Variants in CDH23 observed in about 807,000 individuals in gnomAD.
CDH23 encodes the protein cadherin related 23.
A neutral mutation model predicts 317.1 loss-of-function variants in CDH23; 189 were observed. The ratio of observed to expected loss-of-function variants is 0.60; its 90% CI spans 0.53 to 0.67. The LOEUF (loss-of-function observed/expected upper bound fraction) is 0.67. Among genes scored for constraint, CDH23 ranks in the 30% least tolerant of loss-of-function variants. CDH23 has a pLI of 0.00. For missense variants in CDH23, 4,401 were observed against 4,592.4 expected, an observed-to-expected ratio of 0.96 and a Z score of 1.20; for synonymous variants, 1,839 against 1,876.8, an observed-to-expected ratio of 0.98 and a Z score of 0.52.
chr10:71,745,748 G>T (rs750974892), intron 38 of CDH23, among the ~76,000 whole-genome samples: 1 of 152,224 alleles, frequency 6.6e-6, no homozygotes, highest in Admixed American at 6.5e-5. Flanking sequence ...CACTGGATGC[G>T]TGTATGAGGA....
At chr10:71,474,183 T>C (rs1851665684) in intron 3 of CDH23, among the ~76,000 whole-genome samples, 1 of 152,172 alleles carries the variant, frequency 6.6e-6, no homozygotes, top group Non-Finnish European at 1.5e-5. Context: ...GGCCAGCTTG[T>C]TCTGCAGAGG....
At chr10:71,567,724 T>C (rs1857491379) in intron 7 of CDH23, among the ~76,000 whole-genome samples, 1 of 152,166 alleles carries the variant, frequency 6.6e-6, no homozygotes, top group Non-Finnish European at 1.5e-5. Context: ...CAAGCCACAC[T>C]CTAAATAGGG....
At chr10:71,760,931 G>A (rs909735601) in intron 38 of CDH23, 4 of 1,613,734 alleles carry the variant, frequency 2.5e-6, no homozygotes, top group African/African-American at 2.7e-5. Flanking sequence ...TTGCCTGTGG[G>A]AACAAACAGA....
intron 1 of CDH23, among the ~76,000 whole-genome samples, chr10:71,425,948 G>T (rs1163008645): frequency 1.3e-5 from 2 of 152,220 alleles, no homozygotes; most frequent in African/African-American, 4.8e-5. Context: ...GTTTTGGGGT[G>T]CAAGGGATGA....
In CDH23 at chr10:71,510,256, T is replaced by C. The variant is rs1315718759; in HGVS notation, c.288+32T>C. ...CTTGCCCATACCCCTGCCCCAATTC[T>C]CTCCTGGGGACAGGAGGAGACACTG... On this transcript the variant is annotated intron_variant, in intron 4 of 69. Transcript: ENST00000224721. 3 of 1,606,188 alleles carry C rather than the reference T, an allele frequency of 1.9e-6. No homozygotes were observed. In the South Asian group the frequency reaches 3.3e-5, roughly 18 times the overall value.
chr10:71,707,188 G>A (rs1415007018), intron 26 of CDH23, 139 bp downstream of exon 26: 1 of 1,522,210 alleles, frequency 6.6e-7, no homozygotes, highest in Non-Finnish European at 8.8e-7. Flanking sequence ...TTTAGCCTCT[G>A]GTGGTGCCTC....
chr10:71,815,074 C>A lies in CDH23; in HGVS notation c.9861C>A (p.Gly3287=). 2 of 1,611,704 alleles carry A rather than the reference C, an allele frequency of 1.2e-6. No individual in the cohort carries two copies. Among genetic ancestry groups the A allele is most frequent in the Non-Finnish European group, 1.7e-6 (2 of 1,179,326 alleles). The change falls in exon 70 of 70, where the codon GGC becomes GGA. Residue 3287 remains glycine, a synonymous_variant. Transcript: ENST00000224721. ...CCGATGGGATCCATGTGGTGCACGG[C>A]AGCACGGGCACGCTGCTGGCCACCG... The part of the protein sequence containing the change: ...KGPDGIHVVH[G]STGTLLATDL...
chr10:71,804,775 AT>A (rs536518879), intron 55 of CDH23, among the ~76,000 whole-genome samples: 45 of 151,998 alleles, frequency 3.0e-4, no homozygotes, highest in Non-Finnish European at 5.3e-4. Flanking sequence ...TTCCTGACCA[AT>A]TTTTTTCTTT....
At chr10:71,788,515 G>A (rs905670946) in intron 44 of CDH23, among the ~76,000 whole-genome samples, 4 of 151,778 alleles carry the variant, frequency 2.6e-5, no homozygotes, top group African/African-American at 4.8e-5. Flanking sequence ...GAGTGCAGTG[G>A]CGTGATATCC....
intron 3 of CDH23, among the ~76,000 whole-genome samples, chr10:71,478,911 C>T (rs1851927646): frequency 6.6e-6 from 1 of 152,196 alleles, no homozygotes; most frequent in Admixed American, 6.5e-5. Context: ...AATGGAAAGC[C>T]TGAGCAGGCA....
intron 11 of CDH23, among the ~76,000 whole-genome samples, chr10:71,639,175 A>G (rs939748047): frequency 6.6e-6 from 1 of 152,150 alleles, no homozygotes; most frequent in African/African-American, 2.4e-5. Context: ...CAGCCTTCTC[A>G]TCGCCTCTCT....
At chr10:71,480,055 ATCCACC>A (rs74586548) in intron 3 of CDH23, among the ~76,000 whole-genome samples, 27,192 of 152,044 alleles carry the variant, frequency 0.18, 2,814 homozygotes, top group Middle Eastern at 0.2. Context: ...TGCCTCTAGA[ATCCACC>A]GTGGCACAGG....
At chr10:71,487,045 C>T (rs555580479) in intron 3 of CDH23, among the ~76,000 whole-genome samples, 43 of 152,104 alleles carry the variant, frequency 2.8e-4, no homozygotes, top group Non-Finnish European at 5.7e-4. Context: ...CTGTTGGCCT[C>T]CCCCACCTCC....
At chr10:71,614,608 G>A (rs1861084105) in intron 9 of CDH23, among the ~76,000 whole-genome samples, 1 of 152,240 alleles carries the variant, frequency 6.6e-6, no homozygotes, top group Non-Finnish European at 1.5e-5. Context: ...CTGGGGAACA[G>A]TTAGTTACAA....
intron 38 of CDH23, among the ~76,000 whole-genome samples, chr10:71,746,757 C>A (rs12248205): frequency 0.5 from 75,646 of 152,048 alleles, 19,559 homozygotes; most frequent in Non-Finnish European, 0.58. Context: ...CCAACCGATA[C>A]TACTATTCCA....
intron 38 of CDH23, chr10:71,752,109 C>G: frequency 1.5e-6 from 1 of 666,132 alleles, no homozygotes; most frequent in Non-Finnish European, 2.7e-6. Flanking sequence ...TCCCTGTGGT[C>G]TGACCATCAA....
At chr10:71,703,103 C>T (rs1457886996) in intron 24 of CDH23, among the ~76,000 whole-genome samples, 1 of 152,106 alleles carries the variant, frequency 6.6e-6, no homozygotes, top group South Asian at 2.1e-4. Context: ...AGTAGAGGGG[C>T]CTCTGTCTAC....
At chr10:71,580,842 G>A (rs562186973) in intron 9 of CDH23, among the ~76,000 whole-genome samples, 1 of 152,062 alleles carries the variant, frequency 6.6e-6, no homozygotes, top group African/African-American at 2.4e-5. Context: ...CAACAGGGCT[G>A]CCCCCACCCC....
At chr10:71,532,715 T>G (rs1222825765) in intron 6 of CDH23, among the ~76,000 whole-genome samples, 2 of 41,336 alleles carry the variant, frequency 4.8e-5, no homozygotes, top group Admixed American at 2.1e-4. Context: ...GTTTTTGTTT[T>G]TTTTTTTTTT....
Sources: allele counts gnomAD v4.1 joint callset (sites outside exome capture counted in the v4.1 genomes callset), GRCh38; gene constraint gnomAD v4.1.1; transcripts MANE v1.5; gene names NCBI Gene and HGNC (gene_info 2026-07-23, HGNC 2026-07-21).